HNRNPC: variants seen among roughly 807,000 people sequenced by gnomAD.
The protein encoded by HNRNPC is heterogeneous nuclear ribonucleoprotein C.
Under a neutral mutation model 33.2 loss-of-function variants are expected in HNRNPC, and 3 were observed. That is an observed-to-expected ratio of 0.09 (90% CI 0.04 to 0.23). HNRNPC has a LOEUF of 0.23. HNRNPC is among the 10% of genes least tolerant of loss of function. The pLI is 1.00. For synonymous variants in HNRNPC, 121 were observed against 126.7 expected, an observed-to-expected ratio of 0.96 and a Z score of 0.30; for missense variants, 143 against 366.7, an observed-to-expected ratio of 0.39 and a Z score of 4.98.
At chr14:21,235,920 C>A (rs980935430) in intron 2 of HNRNPC, among the ~76,000 whole-genome samples, 4 of 152,088 alleles carry the variant, frequency 2.6e-5, no homozygotes, top group Non-Finnish European at 4.4e-5. Context: ...AGGGAAAAAA[C>A]CCATCAAACC....
At chr14:21,227,215 C>CCT (rs1893567956) in intron 5 of HNRNPC, among the ~76,000 whole-genome samples, 2 of 151,576 alleles carry the variant, frequency 1.3e-5, no homozygotes, top group Middle Eastern at 3.2e-3. Context: ...AACAAACACT[C>CCT]CTCCTCCTTT....
intron 2 of HNRNPC, among the ~76,000 whole-genome samples, chr14:21,244,242 G>C (rs1022949796): frequency 6.6e-6 from 1 of 152,114 alleles, no homozygotes; most frequent in African/African-American, 2.4e-5. Flanking sequence ...CAGGTGATCC[G>C]CCGACCTCCA....
chr14:21,217,894 A>T (rs951813682), intron 5 of HNRNPC, among the ~76,000 whole-genome samples: 18 of 152,240 alleles, frequency 1.2e-4, no homozygotes, highest in African/African-American at 4.1e-4. Context: ...ACACAAAACC[A>T]GACATTTCAT....
chr14:21,265,457 T>C (rs1008644297), intron 1 of HNRNPC: 1 of 152,210 alleles, frequency 6.6e-6, no homozygotes, highest in Admixed American at 6.5e-5. Flanking sequence ...GTTATTTATG[T>C]TAAACTGAAG....
intron 5 of HNRNPC, among the ~76,000 whole-genome samples, chr14:21,218,247 AGCCACCGTGT>A (rs1193007225): frequency 1.3e-5 from 2 of 152,176 alleles, no homozygotes; most frequent in African/African-American, 4.8e-5. Flanking sequence ...TACAGGCATG[AGCCACCGTGT>A]GCAGCCACAA....
intron 5 of HNRNPC, among the ~76,000 whole-genome samples, chr14:21,229,636 T>A (rs1272278876): frequency 6.6e-6 from 1 of 152,196 alleles, no homozygotes; most frequent in Non-Finnish European, 1.5e-5. Flanking sequence ...ACGGCTGACT[T>A]GATTCCTTTA....
chr14:21,267,525 CGA>C (rs1053994828), intron 1 of HNRNPC, among the ~76,000 whole-genome samples: 4 of 151,642 alleles, frequency 2.6e-5, no homozygotes, highest in African/African-American at 9.7e-5. Flanking sequence ...CAAGTATTCC[CGA>C]GAGTGGCACT....
chr14:21,267,823 G>A (rs182157079), intron 1 of HNRNPC, among the ~76,000 whole-genome samples: 3 of 152,242 alleles, frequency 2.0e-5, no homozygotes, highest in African/African-American at 7.2e-5. Context: ...ACTAATTTCT[G>A]ACATTTCTCC....
At chr14:21,249,141 G>C (rs894668513) in intron 2 of HNRNPC, among the ~76,000 whole-genome samples, 2 of 152,070 alleles carry the variant, frequency 1.3e-5, no homozygotes, top group African/African-American at 4.8e-5. Context: ...TTTTCCTTCT[G>C]CAAAGATAGC....
chr14:21,223,009 C>G (rs1893007027), intron 5 of HNRNPC, among the ~76,000 whole-genome samples: 1 of 151,960 alleles, frequency 6.6e-6, no homozygotes, highest in Non-Finnish European at 1.5e-5. Flanking sequence ...GACTAGCCTG[C>G]CCAACACGGT....
chr14:21,226,915 T>C (rs1893531017), intron 5 of HNRNPC, among the ~76,000 whole-genome samples: 1 of 148,140 alleles, frequency 6.8e-6, no homozygotes, highest in Non-Finnish European at 1.5e-5. Flanking sequence ...GGGACAGTGA[T>C]TTTTACTCCG....
chr14:21,261,580 C>T (rs564641368), intron 2 of HNRNPC, among the ~76,000 whole-genome samples: 4 of 152,084 alleles, frequency 2.6e-5, no homozygotes, highest in Admixed American at 2.0e-4. Context: ...CCTAGTACAA[C>T]AGTACCGAAT....
intron 1 of HNRNPC, chr14:21,264,562 A>C (rs1225872026): frequency 6.6e-6 from 1 of 152,218 alleles, no homozygotes; most frequent in Non-Finnish European, 1.5e-5. Context: ...GGATTCTAAA[A>C]ATCTGGTACA....
chr14:21,260,653 CCT>C (rs1025643615), intron 2 of HNRNPC, among the ~76,000 whole-genome samples: 3 of 151,670 alleles, frequency 2.0e-5, no homozygotes, highest in African/African-American at 7.3e-5. Context: ...TCTACTGAAC[CCT>C]GTCTCTACTA....
rs181548343 is a variant in HNRNPC at position 21,224,112 on chromosome 14, G to A, written c.365+6207C>T. On this transcript the variant is annotated intron_variant, in intron 5 of 8. Transcript: ENST00000553300. ...TATATATAAACAAACCCATCTCTCA[G>A]GTACAGTGTTACTCAAAAACATCTG... 6.6e-5 allele frequency among the ~76,000 whole-genome samples: 10 copies of A among 152,118 alleles called. 1 individual carries two copies. The East Asian group carries it at 1.9e-3, about 29-fold the overall frequency.
In HNRNPC at chr14:21,209,801, A is replaced by T. The variant is rs182952052; in HGVS notation, c.*1422T>A. ...TAAGCGGCATTTTCTGCTATGCTGG[A>T]AAAACTGAAGTATAAAACACAAATG... is the stretch of plus-strand genomic sequence containing the variant. On this transcript the variant is annotated 3_prime_UTR_variant, in exon 9 of 9. Coordinates refer to ENST00000553300, the MANE Select transcript of HNRNPC (RefSeq NM_004500.4). The T allele has an allele frequency of 1.4e-4, 22 of 152,336 alleles. No homozygotes were observed. The highest frequency in any genetic ancestry group is 5.1e-4 in the African/African-American group (21 of 41,578). The allele number at this position is 152,336 out of a possible 1,614,324, so 9.4% of individuals were successfully genotyped here.
At chr14:21,268,310 C>A (rs958923051) in intron 1 of HNRNPC, among the ~76,000 whole-genome samples, 5 of 152,068 alleles carry the variant, frequency 3.3e-5, no homozygotes, top group African/African-American at 1.2e-4. Context: ...GCCAGAATAT[C>A]CCGAAAGTCA....
intron 5 of HNRNPC, among the ~76,000 whole-genome samples, chr14:21,217,794 A>T (rs1429478120): frequency 6.6e-6 from 1 of 152,234 alleles, no homozygotes; most frequent in East Asian, 1.9e-4. Context: ...TACTTATTTT[A>T]AGAGGAATAA....
intron 2 of HNRNPC, among the ~76,000 whole-genome samples, chr14:21,252,516 T>C (rs73577650): frequency 8.5e-4 from 130 of 152,286 alleles, no homozygotes; most frequent in African/African-American, 2.9e-3. Flanking sequence ...TTTCACCACA[T>C]TGGCCAGGCT....
Sources: gnomAD v4.1 joint callset for allele counts (sites outside exome capture counted in the v4.1 genomes callset) on GRCh38, gnomAD v4.1.1 for gene constraint, MANE v1.5 for transcripts, NCBI Gene and HGNC (gene_info 2026-07-23, HGNC 2026-07-21) for gene names.